ABCA9: variants seen among roughly 807,000 people sequenced by gnomAD.
ABCA9 encodes ATP binding cassette subfamily A member 9, also known as ATP-binding cassette sub-family A member 9.
Under a neutral mutation model 205.3 loss-of-function variants are expected in ABCA9, and 183 were observed. The ratio of observed to expected loss-of-function variants is 0.89; its 90% CI spans 0.79 to 1.01. The LOEUF is 1.01. ABCA9 is among the 50% of genes least tolerant of loss of function. The pLI is 0.00. For synonymous variants in ABCA9, 651 were observed against 683.3 expected, an observed-to-expected ratio of 0.95 and a Z score of 0.74; for missense variants, 1,805 against 1,912.4, an observed-to-expected ratio of 0.94 and a Z score of 1.05.
chr17:69,039,859 T>TA (rs2071476294), intron 6 of ABCA9, among the ~76,000 whole-genome samples: 1 of 151,142 alleles, frequency 6.6e-6, no homozygotes, highest in African/African-American at 2.4e-5. Flanking sequence ...AAATTTACAA[T>TA]AAAAAAACTA....
chr17:69,017,733 C>G lies in ABCA9; in HGVS notation c.2824G>C (p.Val942Leu). Residue 942 changes from valine (V) to leucine (L), a missense_variant, in exon 21 of 39, where the codon GTG (valine) becomes CTG (leucine). Transcript: ENST00000340001. ...SLRRQNIAIE[V>L]DAFGTRNGTD... The stretch of plus-strand genomic sequence containing the variant: ...CCATTTCTAGTTCCAAAGGCATCCA[C>G]TTCTATAGCTATGTTCTGTCGCCTC... The G allele has an allele frequency of 6.2e-7, 1 of 1,613,454 alleles. No individual in the cohort carries two copies. The highest frequency in any genetic ancestry group is 8.5e-7 in the Non-Finnish European group (1 of 1,179,496).
At position 69,007,781 on chromosome 17, in the gene ABCA9, A is replaced by G. The variant is rs1231643716; in HGVS notation, c.3413T>C (p.Ile1138Thr). Residue 1138 changes from isoleucine to threonine, a missense_variant, in exon 25 of 39, where the codon ATT (isoleucine) becomes ACT (threonine). Ile to Thr is a moderately conservative substitution (Grantham distance 89, BLOSUM62 -1). Transcript: ENST00000340001. Reference sequence around the variant, plus strand: ...CACAATTAAGAAGAAAAATGACCAAATGCCACTATTTTTTCTCCCATTGCG... The same window carrying G: ...CACAATTAAGAAGAAAAATGACCAAGTGCCACTATTTTTTCTCCCATTGCG... ...IFRNGRKNSG[I>T]WSFFFLIVVI... is the part of the protein sequence containing the mutation. 1.9e-6 allele frequency: 3 copies of G among 1,601,358 alleles called. No homozygotes were observed. The highest frequency in any genetic ancestry group is 1.1e-5 in the South Asian group (1 of 90,494).
At chr17:68,996,109 T>G in intron 25 of ABCA9, 95 bp from the exon 26 acceptor site, 1 of 1,345,610 alleles carries the variant, frequency 7.4e-7, no homozygotes, top group South Asian at 1.5e-5. Flanking sequence ...TAAACGTTGT[T>G]ATTTTCAATT....
At chr17:69,035,002 C>T (rs1158213934) in intron 8 of ABCA9, 2 of 300,088 alleles carry the variant, frequency 6.7e-6, no homozygotes, top group African/African-American at 4.3e-5. Flanking sequence ...CAAATGTTCT[C>T]TGGGACAACC....
Position 68,976,031 on chromosome 17 carries a change from A to G in ABCA9, c.4777-18T>C, listed in dbSNP as rs1323033640. 1 of 1,612,308 alleles carries G rather than the reference A, an allele frequency of 6.2e-7. No individual in the cohort carries two copies. The highest frequency in any genetic ancestry group is 8.5e-7 in the Non-Finnish European group (1 of 1,178,712). On this transcript the variant is annotated intron_variant, in intron 38 of 38. Transcript: ENST00000340001. ...AGGAAAACCTAAAAGGAAGGAAAGA[A>G]ATAAAGAGAGGAGAACAATGCCATA...
intron 37 of ABCA9, among the ~76,000 whole-genome samples, chr17:68,977,445 A>T (rs1410189175): frequency 6.6e-6 from 1 of 152,168 alleles, no homozygotes; most frequent in Non-Finnish European, 1.5e-5. Context: ...TTCCACTTAC[A>T]CTACACCCTG....
At chr17:69,054,194 G>C (rs987046211) in intron 1 of ABCA9, among the ~76,000 whole-genome samples, 1 of 152,018 alleles carries the variant, frequency 6.6e-6, no homozygotes, top group Non-Finnish European at 1.5e-5. Flanking sequence ...ATGAAAAGAA[G>C]TTATTTCAAA....
chr17:68,993,056 C>A lies in ABCA9; in HGVS notation c.3584G>T (p.Gly1195Val). ...EISPDSMDYL[G>V]ASESEIVYLA... ...GTATACAATTTCAGATTCTGAAGCTCCTAAGTAATCCATGGAATCAGGAGA... is the reference window on the plus strand; with the variant it reads ...GTATACAATTTCAGATTCTGAAGCTACTAAGTAATCCATGGAATCAGGAGA... The change falls in exon 27 of 39, where the codon GGA becomes GTA. Residue 1195 changes from glycine to valine, a missense_variant. Coordinates refer to ENST00000340001, the MANE Select transcript of ABCA9 (RefSeq NM_080283.4). 6.2e-7 allele frequency: 1 copy of A among 1,613,610 alleles called. No homozygotes were observed. The highest frequency in any genetic ancestry group is 2.2e-5 in the East Asian group (1 of 44,858).
rs780704737 is a variant in ABCA9 at position 69,012,516 on chromosome 17, T to TA, written c.3040-434dup. ...ACGCCCTCCATGTTAGGCACTATGT[T>TA]AAAAAAAAAAATCAAAACCCTGTAC... On this transcript the variant is annotated intron_variant, in intron 22 of 38. Coordinates refer to ENST00000340001, the MANE Select transcript of ABCA9 (RefSeq NM_080283.4). Among the ~76,000 whole-genome samples the TA allele has an allele frequency of 7.5e-3, 1,108 of 147,732 alleles. 13 individuals carry two copies. The highest frequency in any genetic ancestry group is 0.018 in the African/African-American group (714 of 40,510).
intron 34 of ABCA9, among the ~76,000 whole-genome samples, 185 bp downstream of exon 34, chr17:68,984,700 G>A (rs565784170): frequency 2.8e-4 from 42 of 152,330 alleles, no homozygotes; most frequent in African/African-American, 8.9e-4. Context: ...ATATTAGGGT[G>A]AGATAATATA....
Position 69,032,292 on chromosome 17 carries a change from G to A in ABCA9, c.1277-16C>T, listed in dbSNP as rs193124583. 9 of 1,609,236 alleles carry A rather than the reference G, an allele frequency of 5.6e-6. No individual in the cohort carries two copies. The highest frequency in any genetic ancestry group is 3.3e-4 in the Middle Eastern group (2 of 6,062). ...CCATATTCAGCTATGTGAGCAGGAGGCAATTGAATACTGGGTCAGTCATCG... is the reference window on the plus strand; with the variant it reads ...CCATATTCAGCTATGTGAGCAGGAGACAATTGAATACTGGGTCAGTCATCG... On this transcript the variant is annotated splice_polypyrimidine_tract_variant and intron_variant, in intron 9 of 38. Transcript: ENST00000340001.
Position 68,993,216 on chromosome 17 carries a change from T to C in ABCA9, c.3556-132A>G, listed in dbSNP as rs956634711. ...CGACCTGATGCTCCCTTGGGTATCA[T>C]GTAAAAGTTAATTTCGGACTGTGCA... On this transcript the variant is annotated intron_variant, in intron 26 of 38. Transcript: ENST00000340001. 7.3e-5 allele frequency: 51 copies of C among 702,968 alleles called. No individual in the cohort carries two copies. In the African/African-American group the frequency reaches 8.5e-4, roughly 12 times the overall value. The allele number at this position is 702,968 out of a possible 1,614,324, so 43.5% of individuals were successfully genotyped here.
Position 68,995,920 on chromosome 17 carries a change from A to G in ABCA9, c.3530T>C (p.Ile1177Thr), listed in dbSNP as rs770057429. Residue 1177 changes from isoleucine to threonine, a missense_variant, in exon 26 of 39, where the codon ATT (isoleucine) becomes ACT (threonine). Ile to Thr is a moderately conservative substitution (Grantham distance 89). Transcript: ENST00000340001. ...GTMLIPPFTLIGSLFIFSEIS... is the reference protein window; with the variant it reads ...GTMLIPPFTLTGSLFIFSEIS... ...CTCAGAAAAAATGAATAGAGAGCCA[A>G]TCAATGTGAAGGGAGGTATTAACAT... is the stretch of plus-strand genomic sequence containing the variant. 1 of 1,613,884 alleles carries G rather than the reference A, an allele frequency of 6.2e-7. No homozygotes were observed. Among genetic ancestry groups the G allele is most frequent in the South Asian group, 1.1e-5 (1 of 91,082 alleles).
At chr17:68,982,522 T>A in intron 37 of ABCA9, 40 bp downstream of exon 37, 1 of 1,480,746 alleles carries the variant, frequency 6.8e-7, no homozygotes, top group East Asian at 2.3e-5. Flanking sequence ...TTTAGGCTTA[T>A]CTGTTTCCCA....
chr17:68,998,980 T>C (rs960615141), intron 25 of ABCA9, among the ~76,000 whole-genome samples: 1 of 152,034 alleles, frequency 6.6e-6, no homozygotes, highest in Non-Finnish European at 1.5e-5. Flanking sequence ...TTAATTTCTT[T>C]CTTATTGGGA....
In ABCA9 at chr17:68,986,336, A is replaced by G; in HGVS notation, c.4048-12T>C. 1 of 1,599,126 alleles carries G rather than the reference A, an allele frequency of 6.3e-7. No homozygotes were observed. The highest frequency in any genetic ancestry group is 8.5e-7 in the Non-Finnish European group (1 of 1,172,938). On this transcript the variant is annotated splice_polypyrimidine_tract_variant and intron_variant, in intron 31 of 38. Transcript: ENST00000340001. The stretch of plus-strand genomic sequence containing the variant: ...CCTTTCAAAATCACCTATGCAAAAT[A>G]AGTTCATTCTTAGATTCTATCCCAA...
At chr17:69,075,526 C>G in the ABCA9 span, among the ~76,000 whole-genome samples, 2 of 151,964 alleles carry the variant, frequency 1.3e-5, no homozygotes, top group African/African-American at 4.8e-5. Context: ...CTTATTTTGT[C>G]TGTTTGTCAA....
intron 25 of ABCA9, among the ~76,000 whole-genome samples, chr17:69,006,663 C>T (rs959762040): frequency 1.3e-5 from 2 of 151,998 alleles, no homozygotes; most frequent in Non-Finnish European, 2.9e-5. Context: ...TGGAAGGGGG[C>T]TTCTAGGGTT....
At chr17:69,031,871 ATTAT>A (rs1161704449) in intron 10 of ABCA9, among the ~76,000 whole-genome samples, 1 of 152,240 alleles carries the variant, frequency 6.6e-6, no homozygotes, top group Non-Finnish European at 1.5e-5. Flanking sequence ...AAATTCAAAA[ATTAT>A]TTACTTGTGG....
Sources: allele counts gnomAD v4.1 joint callset (sites outside exome capture counted in the v4.1 genomes callset), GRCh38; gene constraint gnomAD v4.1.1; transcripts MANE v1.5; gene names NCBI Gene and HGNC (gene_info 2026-07-23, HGNC 2026-07-21).